Variants in PDGFC observed in about 807,000 individuals in gnomAD.
PDGFC encodes the protein platelet derived growth factor C, also known as platelet-derived growth factor C.
A neutral mutation model predicts 35.5 loss-of-function variants in PDGFC; 12 were observed. The observed-to-expected ratio is 0.34, with a 90% CI of 0.22 to 0.55. The LOEUF is 0.55. Ranked by LOEUF, PDGFC falls within the 20% of genes least tolerant of loss-of-function variation. The probability of loss-of-function intolerance (pLI) is 0.91; values close to 1 mark genes in which losing one functional copy is unlikely to be tolerated. For missense variants in PDGFC, 322 were observed against 412.4 expected, an observed-to-expected ratio of 0.78 and a Z score of 1.90; for synonymous variants, 159 against 148.8, an observed-to-expected ratio of 1.07 and a Z score of -0.50.
At chr4:156,819,739 C>G (rs1337895024) in intron 2 of PDGFC, among the ~76,000 whole-genome samples, 1 of 152,110 alleles carries the variant, frequency 6.6e-6, no homozygotes, top group Non-Finnish European at 1.5e-5. Context: ...AGGAGTAATT[C>G]TGAGTTTTAA....
chr4:156,852,228 A>G (rs1433483159), intron 1 of PDGFC, among the ~76,000 whole-genome samples: 1 of 152,064 alleles, frequency 6.6e-6, no homozygotes, highest in African/African-American at 2.4e-5. Context: ...ACAACACTGA[A>G]CACTGTATTT....
At chr4:156,921,154 C>T (rs1444974658) in intron 1 of PDGFC, among the ~76,000 whole-genome samples, 3 of 152,120 alleles carry the variant, frequency 2.0e-5, no homozygotes, top group Non-Finnish European at 2.9e-5. Context: ...AAGCCTTCTC[C>T]TTATTTATCC....
chr4:156,969,115 G>T (rs1732530840), intron 1 of PDGFC, among the ~76,000 whole-genome samples: 1 of 152,218 alleles, frequency 6.6e-6, no homozygotes, highest in Non-Finnish European at 1.5e-5. Flanking sequence ...TAGGAGAAAT[G>T]ATATGGGACA....
intron 2 of PDGFC, among the ~76,000 whole-genome samples, chr4:156,820,109 T>C (rs916657004): frequency 2.0e-5 from 3 of 152,220 alleles, no homozygotes; most frequent in Non-Finnish European, 4.4e-5. Context: ...TTGCTTCTTA[T>C]GGATGGGCAA....
intron 1 of PDGFC, among the ~76,000 whole-genome samples, chr4:156,866,087 C>T (rs938829048): frequency 6.6e-6 from 1 of 152,104 alleles, no homozygotes; most frequent in Non-Finnish European, 1.5e-5. Flanking sequence ...GGTATATCTC[C>T]TAAGGCTATC....
At chr4:156,858,171 A>T (rs757911712) in intron 1 of PDGFC, among the ~76,000 whole-genome samples, 1 of 152,074 alleles carries the variant, frequency 6.6e-6, no homozygotes, top group Non-Finnish European at 1.5e-5. Flanking sequence ...ATCATAAAAG[A>T]CTCAGCAGAG....
intron 2 of PDGFC, among the ~76,000 whole-genome samples, chr4:156,830,661 T>G (rs1728910538): frequency 6.6e-6 from 1 of 152,228 alleles, no homozygotes; most frequent in Admixed American, 6.5e-5. Flanking sequence ...AAGTTATGAC[T>G]AATGGGTTCC....
At chr4:156,968,210 C>T (rs149625939) in intron 1 of PDGFC, among the ~76,000 whole-genome samples, 13 of 152,082 alleles carry the variant, frequency 8.5e-5, no homozygotes, top group African/African-American at 3.1e-4. Context: ...CCATTAGGGA[C>T]TTTAGAATAC....
intron 3 of PDGFC, among the ~76,000 whole-genome samples, chr4:156,777,425 A>G (rs534409682): frequency 9.9e-5 from 15 of 152,194 alleles, no homozygotes; most frequent in Non-Finnish European, 1.6e-4. Flanking sequence ...TAAAGAGATC[A>G]GTAAAATAAG....
chr4:156,847,139 G>A (rs1464871318), intron 2 of PDGFC, among the ~76,000 whole-genome samples: 3 of 151,746 alleles, frequency 2.0e-5, no homozygotes, highest in African/African-American at 7.2e-5. Flanking sequence ...AGGAGGTGGA[G>A]TGTAATCAGT....
intron 5 of PDGFC, 69 bp from the exon 6 acceptor site, chr4:156,763,275 G>T: frequency 8.7e-6 from 6 of 687,532 alleles, no homozygotes; most frequent in Non-Finnish European, 1.6e-5. Flanking sequence ...TTATAAACAA[G>T]TAACGTTTTA....
At chr4:156,901,529 G>A (rs991949861) in intron 1 of PDGFC, among the ~76,000 whole-genome samples, 6 of 152,038 alleles carry the variant, frequency 3.9e-5, no homozygotes, top group Non-Finnish European at 7.4e-5. Flanking sequence ...GGAGAACAAC[G>A]CCTACCTATT....
At chr4:156,833,125 A>G (rs1415428422) in intron 2 of PDGFC, among the ~76,000 whole-genome samples, 1 of 152,240 alleles carries the variant, frequency 6.6e-6, no homozygotes, top group Non-Finnish European at 1.5e-5. Context: ...GATGGCCTCC[A>G]CAAGGCTGTA....
At chr4:156,874,205 G>A (rs1730054076) in intron 1 of PDGFC, among the ~76,000 whole-genome samples, 1 of 152,190 alleles carries the variant, frequency 6.6e-6, no homozygotes, top group Admixed American at 6.5e-5. Context: ...AAATGTCACA[G>A]ATGATAACAT....
At chr4:156,844,805 G>T (rs1044343463) in intron 2 of PDGFC, among the ~76,000 whole-genome samples, 2 of 151,914 alleles carry the variant, frequency 1.3e-5, no homozygotes, top group Admixed American at 6.6e-5. Flanking sequence ...GCTTTCAACA[G>T]ACCAACAAGG....
chr4:156,776,159 C>T (rs78493047), intron 3 of PDGFC, among the ~76,000 whole-genome samples: 4,369 of 152,268 alleles, frequency 0.029, 177 homozygotes, highest in South Asian at 0.17. Flanking sequence ...TTAAGTTTTA[C>T]TTTTCTCTCT....
intron 1 of PDGFC, among the ~76,000 whole-genome samples, chr4:156,916,499 CT>C (rs1186579714): frequency 1.3e-5 from 2 of 152,176 alleles, no homozygotes; most frequent in Non-Finnish European, 2.9e-5. Context: ...TGTCACATAC[CT>C]TACTAGGCCC....
At chr4:156,779,748 C>T (rs1730927754) in intron 3 of PDGFC, among the ~76,000 whole-genome samples, 1 of 152,206 alleles carries the variant, frequency 6.6e-6, no homozygotes, top group African/African-American at 2.4e-5. Flanking sequence ...TACGGACTCA[C>T]TTTTCCCGTC....
At chr4:156,952,391 G>A (rs183439367) in intron 1 of PDGFC, among the ~76,000 whole-genome samples, 8 of 151,936 alleles carry the variant, frequency 5.3e-5, no homozygotes, top group South Asian at 4.1e-4. Context: ...TTATCACTAC[G>A]TAGAAAATCA....
Sources: gnomAD v4.1 joint callset for allele counts (sites outside exome capture counted in the v4.1 genomes callset) on GRCh38, gnomAD v4.1.1 for gene constraint, MANE v1.5 for transcripts, NCBI Gene and HGNC (gene_info 2026-07-23, HGNC 2026-07-21) for gene names.